The following SLC5A10 variants were observed in gnomAD, a reference collection of about 807,000 sequenced individuals.
SLC5A10 encodes solute carrier family 5 member 10, also known as sodium/mannose cotransporter SLC5A10.
In SLC5A10, 55 loss-of-function variants were observed where a neutral mutation model predicts 68.9. The ratio of observed to expected loss-of-function variants is 0.80; its 90% CI spans 0.64 to 1.00. The LOEUF (loss-of-function observed/expected upper bound fraction) is 1.00. Among genes scored for constraint, SLC5A10 ranks in the 50% least tolerant of loss-of-function variants. The pLI is 0.00. For synonymous variants in SLC5A10, 344 were observed against 344.8 expected, an observed-to-expected ratio of 1.00 and a Z score of 0.02; for missense variants, 732 against 819.3, an observed-to-expected ratio of 0.89 and a Z score of 1.30.
chr17:18,962,187 C>T (rs1042988032), intron 5 of SLC5A10, among the ~76,000 whole-genome samples: 10 of 152,158 alleles, frequency 6.6e-5, no homozygotes, highest in African/African-American at 1.7e-4. Context: ...GCCAGGGGCT[C>T]GCACTGTGGT....
chr17:18,984,056 G>A (rs1480235445), intron 9 of SLC5A10, among the ~76,000 whole-genome samples: 1 of 152,174 alleles, frequency 6.6e-6, no homozygotes, highest in Non-Finnish European at 1.5e-5. Flanking sequence ...GAGAACCCCT[G>A]CCTTGGCCGG....
At chr17:18,983,618 A>G (rs1339791366) in intron 9 of SLC5A10, among the ~76,000 whole-genome samples, 1 of 152,174 alleles carries the variant, frequency 6.6e-6, no homozygotes, top group Non-Finnish European at 1.5e-5. Flanking sequence ...ACAGAGCCCA[A>G]CATAGCAGCA....
rs534384465 is a variant in SLC5A10 at position 19,006,773 on chromosome 17, A to T, written c.983-6637A>T. ...GTTTCAAGAATGCTATATAAATGGA[A>T]GATATAGTATATAAACTTTTGGGAT... is the stretch of plus-strand genomic sequence containing the variant. On this transcript the variant is annotated intron_variant, in intron 9 of 14. Coordinates refer to ENST00000395645, the MANE Select transcript of SLC5A10 (RefSeq NM_001042450.4). Among the ~76,000 whole-genome samples, 218 of 152,352 alleles carry T rather than the reference A, an allele frequency of 1.4e-3. 7 individuals are homozygous for T. The South Asian group carries it at 0.043, about 30-fold the overall frequency.
chr17:18,958,984 C>A, intron 2 of SLC5A10, 151 bp from the exon 3 acceptor site: 1 of 799,990 alleles, frequency 1.3e-6, no homozygotes. Context: ...TGCAGCTAGT[C>A]ATGGGTAGAA....
chr17:18,997,779 C>T (rs2043604055), intron 9 of SLC5A10, among the ~76,000 whole-genome samples: 1 of 152,202 alleles, frequency 6.6e-6, no homozygotes, highest in Admixed American at 6.5e-5. Flanking sequence ...CAGAGAGAAG[C>T]TCTCAGGACA....
In SLC5A10 at chr17:19,015,098, G is replaced by T. The variant is rs769863303; in HGVS notation, c.1140G>T (p.Ser380=). The T allele has an allele frequency of 6.2e-7, 1 of 1,611,912 alleles. No individual in the cohort carries two copies. Among genetic ancestry groups the T allele is most frequent in the Admixed American group, 1.7e-5 (1 of 59,922 alleles). Residue 380 remains serine, a synonymous_variant, in exon 11 of 15, where the codon TCG becomes TCT. Transcript: ENST00000395645. ...TGATGCTGGCGGCGCTCATGTCGTC[G>T]CTGACCTCCATCTTCAACAGCAGCA... is the stretch of plus-strand genomic sequence containing the variant. The part of the protein sequence containing the change: ...IAVMLAALMS[S]LTSIFNSSST...
chr17:19,010,379 T>C (rs1320383030), intron 9 of SLC5A10, among the ~76,000 whole-genome samples: 1 of 152,076 alleles, frequency 6.6e-6, no homozygotes, highest in East Asian at 1.9e-4. Context: ...CTCCTAGGCC[T>C]GCAGAAGCCA....
At position 18,999,257 on chromosome 17, in the gene SLC5A10, G is replaced by A. The variant is rs924634243; in HGVS notation, c.983-14153G>A. 3.3e-5 allele frequency among the ~76,000 whole-genome samples: 5 copies of A among 151,798 alleles called. No homozygotes were observed. The East Asian group carries it at 9.6e-4, about 29-fold the overall frequency. ...CGTGCCACTGCACTCCAGCCTGGGC[G>A]ACAGAGCAAGACTTTGTCTCAAGAA... On this transcript the variant is annotated intron_variant, in intron 9 of 14. Transcript: ENST00000395645.
chr17:19,019,597 C>T lies in SLC5A10; in HGVS notation c.1410+6C>T, dbSNP rs766612271. 41 of 1,610,162 alleles carry T rather than the reference C, an allele frequency of 2.5e-5. 1 individual carries two copies. In the Admixed American group the frequency reaches 4.0e-4, roughly 16 times the overall value. The stretch of plus-strand genomic sequence containing the variant: ...GGCGACGTGCCAACGAGCAGGTGGG[C>T]GTCGGCGGTCTGCTCTCCCTGGGGA... On this transcript the variant is annotated splice_donor_region_variant and intron_variant, in intron 12 of 14. Transcript: ENST00000395645.
At chr17:18,956,956 C>T (rs1344224497) in intron 1 of SLC5A10, among the ~76,000 whole-genome samples, 1 of 152,100 alleles carries the variant, frequency 6.6e-6, no homozygotes, top group Non-Finnish European at 1.5e-5. Flanking sequence ...TGAGACCAGC[C>T]TGGCCAACAT....
intron 1 of SLC5A10, among the ~76,000 whole-genome samples, chr17:18,952,905 C>T (rs1353307696): frequency 6.6e-6 from 1 of 152,130 alleles, no homozygotes; most frequent in Non-Finnish European, 1.5e-5. Flanking sequence ...CAGGCTGTTT[C>T]ATGTGCAGAT....
intron 1 of SLC5A10, chr17:18,954,132 C>G (rs2042437080): frequency 6.6e-6 from 1 of 152,258 alleles, no homozygotes; most frequent in African/African-American, 2.4e-5. Flanking sequence ...AAATCTGTTG[C>G]AAACTGTAAC....
chr17:18,950,720 G>C, upstream of SLC5A10: 2 of 985,106 alleles, frequency 2.0e-6, no homozygotes, highest in Non-Finnish European at 2.4e-6. Context: ...TGTTGTTGTT[G>C]TTGTTTGTTT....
In SLC5A10 at chr17:19,018,292, CAG is replaced by C. The variant is rs941483785; in HGVS notation, c.1242-1130_1242-1129del. 2 of 152,422 alleles carry C rather than the reference CAG, an allele frequency of 1.3e-5. No homozygotes were observed. The highest frequency in any genetic ancestry group is 2.4e-5 in the African/African-American group (1 of 41,464). The allele number at this position is 152,422 out of a possible 1,614,324, so 9.4% of individuals were successfully genotyped here. On this transcript the variant is annotated intron_variant, in intron 11 of 14. Coordinates refer to ENST00000395645, the MANE Select transcript of SLC5A10 (RefSeq NM_001042450.4). This position sits in a 1 kb window ranked among gnomAD's most constrained non-coding sequence, Gnocchi z 4.2. ...GAGGAATGCCAACTGACCCAGGACA[CAG>C]GGGTGAGGTGCTCAGCCAGGGAGGA... is the stretch of plus-strand genomic sequence containing the variant.
At chr17:18,987,549 T>C (rs1430412623) in intron 9 of SLC5A10, among the ~76,000 whole-genome samples, 2 of 152,064 alleles carry the variant, frequency 1.3e-5, no homozygotes, top group African/African-American at 2.4e-5. Context: ...ACCAATGAGA[T>C]CCTGTAGCCC....
At chr17:19,015,018 ACAGGGT>A (rs2044104334) in intron 10 of SLC5A10, 25 bp from the exon 11 acceptor site, 1 of 1,600,002 alleles carries the variant, frequency 6.2e-7, no homozygotes, top group South Asian at 1.1e-5. Context: ...TCAAGGCCGG[ACAGGGT>A]CACACATCCC....
chr17:18,973,591 G>T (rs2042907600), intron 8 of SLC5A10, among the ~76,000 whole-genome samples: 2 of 152,232 alleles, frequency 1.3e-5, no homozygotes, highest in Admixed American at 6.5e-5. Flanking sequence ...ACTTTTAGGG[G>T]CACCTAGAGG....
chr17:19,006,342 T>G (rs145244832), intron 9 of SLC5A10, among the ~76,000 whole-genome samples: 44 of 152,116 alleles, frequency 2.9e-4, no homozygotes, highest in African/African-American at 8.9e-4. Context: ...AGCCTCAGCC[T>G]CCTGAGTAGC....
chr17:18,980,492 C>T lies in SLC5A10; in HGVS notation c.982+3503C>T, dbSNP rs535757433. On this transcript the variant is annotated intron_variant, in intron 9 of 14. Transcript: ENST00000395645. ...CTCAGCTCCAAGGCCAGGTCGTCAC[C>T]GGCCTTTTCCTGGACCCTGAACACA... Among the ~76,000 whole-genome samples, 15 of 152,276 alleles carry T rather than the reference C, an allele frequency of 9.9e-5. No homozygotes were observed. The South Asian group carries it at 1.7e-3, about 17-fold the overall frequency.
Sources: gnomAD v4.1 joint callset for allele counts (sites outside exome capture counted in the v4.1 genomes callset) on GRCh38, gnomAD v4.1.1 for gene constraint, Gnocchi (gnomAD v3.1) non-coding constraint, MANE v1.5 for transcripts, NCBI Gene and HGNC (gene_info 2026-07-23, HGNC 2026-07-21) for gene names.